Variants in NALF1 observed in about 807,000 individuals in gnomAD.
NALF1 encodes NALCN channel auxiliary factor 1, also known as family with sequence similarity 155 member A.
Under a neutral mutation model 48.4 loss-of-function variants are expected in NALF1, and 3 were observed. The ratio of observed to expected loss-of-function variants is 0.06; its 90% confidence interval spans 0.03 to 0.16. The LOEUF (loss-of-function observed/expected upper bound fraction) is 0.16, where lower values mean the gene tolerates loss of function less well. Ranked by LOEUF, NALF1 falls within the 10% of genes least tolerant of loss-of-function variation. The pLI is 1.00. For missense variants in NALF1, 526 were observed against 571.5 expected (o/e 0.92, Z 0.81); for synonymous variants, 262 against 245.7 (o/e 1.07, Z -0.62).
At chr13:107,855,531 T>C (rs1262788652) in intron 1 of NALF1, among the ~76,000 whole-genome samples, 1 of 152,178 alleles carries the variant, frequency 6.6e-6, no homozygotes, top group Non-Finnish European at 1.5e-5. Flanking sequence ...TACATTATCT[T>C]TTATGTACCA....
intron 1 of NALF1, among the ~76,000 whole-genome samples, chr13:107,842,567 A>G (rs1295135886): frequency 6.6e-6 from 1 of 151,762 alleles, no homozygotes; most frequent in African/African-American, 2.4e-5. Flanking sequence ...TGTAGTGGAC[A>G]TAAGTCCCTC....
At chr13:107,716,422 A>G (rs1267392205) in intron 1 of NALF1, among the ~76,000 whole-genome samples, 1 of 152,188 alleles carries the variant, frequency 6.6e-6, no homozygotes, top group Non-Finnish European at 1.5e-5. Context: ...AATACAAGAG[A>G]GAGGACCGCC....
chr13:107,397,679 C>T (rs1883734762), intron 1 of NALF1, among the ~76,000 whole-genome samples: 1 of 151,882 alleles, frequency 6.6e-6, no homozygotes, highest in Non-Finnish European at 1.5e-5. Flanking sequence ...GCCTTGAGTT[C>T]ATCTCTTTGC....
intron 1 of NALF1, among the ~76,000 whole-genome samples, chr13:107,525,360 C>T (rs930665694): frequency 6.6e-6 from 1 of 152,112 alleles, no homozygotes; most frequent in African/African-American, 2.4e-5. Context: ...GAAGTGGAGT[C>T]ATGCAGTTTG....
intron 1 of NALF1, among the ~76,000 whole-genome samples, chr13:107,849,890 TA>T (rs1880266364): frequency 6.6e-6 from 1 of 152,244 alleles, no homozygotes; most frequent in South Asian, 2.1e-4. Flanking sequence ...GGCACTGGTA[TA>T]TAATTCATTT....
chr13:107,422,803 G>A (rs559136103), intron 1 of NALF1, among the ~76,000 whole-genome samples: 1 of 151,966 alleles, frequency 6.6e-6, no homozygotes, highest in South Asian at 2.1e-4. Context: ...TCCTTATAAG[G>A]GAAAAGGAGA....
At chr13:107,556,499 T>C (rs1037646624) in intron 1 of NALF1, among the ~76,000 whole-genome samples, 1 of 152,032 alleles carries the variant, frequency 6.6e-6, no homozygotes, top group South Asian at 2.1e-4. Context: ...TTTATTTACT[T>C]ATTTATTTTG....
At chr13:107,799,990 C>T (rs1225116460) in intron 1 of NALF1, among the ~76,000 whole-genome samples, 1 of 150,396 alleles carries the variant, frequency 6.6e-6, no homozygotes, top group African/African-American at 2.4e-5. Context: ...AGGAAGAAAA[C>T]AAGGATGAAG....
chr13:107,757,741 T>C (rs1284401130), intron 1 of NALF1, among the ~76,000 whole-genome samples: 1 of 152,166 alleles, frequency 6.6e-6, no homozygotes, highest in Non-Finnish European at 1.5e-5. Context: ...AAGAAAACTC[T>C]TAAGAGTTTT....
chr13:107,653,958 T>A (rs137931805), intron 1 of NALF1, among the ~76,000 whole-genome samples: 1 of 152,192 alleles, frequency 6.6e-6, no homozygotes, highest in Non-Finnish European at 1.5e-5. Flanking sequence ...TATTTGATTT[T>A]CCAAGTTATT....
chr13:107,823,444 T>C (rs73587798), intron 1 of NALF1, among the ~76,000 whole-genome samples: 5,480 of 152,208 alleles, frequency 0.036, 354 homozygotes, highest in African/African-American at 0.13. Context: ...ATTTCCCAGT[T>C]TTCTTAGGTT....
At chr13:107,754,397 A>ACACACC (rs1491126747) in intron 1 of NALF1, among the ~76,000 whole-genome samples, 3 of 131,028 alleles carry the variant, frequency 2.3e-5, no homozygotes, top group East Asian at 6.4e-4. Flanking sequence ...ACACACACAC[A>ACACACC]CCATATATGG....
At position 107,742,126 on chromosome 13, in the gene NALF1, G is replaced by A. The variant is rs1198639294; in HGVS notation, c.915+123556C>T. Reference sequence around the variant, plus strand: ...GGAAGTCAGTCTCCCCTCATTCAGCGGGATCCAGTGCCTTAGCCTTTGGAA... The same window carrying A: ...GGAAGTCAGTCTCCCCTCATTCAGCAGGATCCAGTGCCTTAGCCTTTGGAA... On this transcript the variant is annotated intron_variant, in intron 1 of 2. Coordinates refer to ENST00000375915, the MANE Select transcript of NALF1 (RefSeq NM_001080396.3). Among the ~76,000 whole-genome samples the A allele has an allele frequency of 3.3e-5, 5 of 152,286 alleles. No homozygotes were observed. In the South Asian group the frequency reaches 8.3e-4, roughly 25 times the overall value.
intron 1 of NALF1, among the ~76,000 whole-genome samples, chr13:107,499,337 C>T (rs921491392): frequency 1.3e-5 from 2 of 151,982 alleles, no homozygotes. Context: ...GTTATATATA[C>T]AATAAAGTTT....
rs111309995 is a variant in NALF1 at position 107,762,393 on chromosome 13, T to C, written c.915+103289A>G. Among the ~76,000 whole-genome samples the C allele has an allele frequency of 1.6e-4, 25 of 152,158 alleles. 1 individual carries two copies. The East Asian group carries it at 1.9e-3, about 12-fold the overall frequency. ...TATACATATGTAACAAACCTGCACA[T>C]TGTGCACATATAGCCTAGAACTTAA... On this transcript the variant is annotated intron_variant, in intron 1 of 2. Transcript: ENST00000375915.
intron 2 of NALF1, among the ~76,000 whole-genome samples, chr13:107,193,701 C>T (rs1879328036): frequency 1.3e-5 from 2 of 152,108 alleles, no homozygotes; most frequent in Admixed American, 1.3e-4. Context: ...CAAGTGTGGG[C>T]ATGCAGCCCA....
intron 1 of NALF1, among the ~76,000 whole-genome samples, chr13:107,534,007 A>T (rs1029455656): frequency 6.6e-6 from 1 of 152,090 alleles, no homozygotes; most frequent in African/African-American, 2.4e-5. Flanking sequence ...AATTACCTGT[A>T]AAAGGGAGAG....
intron 1 of NALF1, among the ~76,000 whole-genome samples, chr13:107,498,580 G>A (rs1472916606): frequency 6.6e-6 from 1 of 152,126 alleles, no homozygotes; most frequent in African/African-American, 2.4e-5. Flanking sequence ...AGAGAAAATG[G>A]TGGAAAGAAG....
At chr13:107,245,066 T>C (rs1348685218) in intron 1 of NALF1, among the ~76,000 whole-genome samples, 4 of 152,170 alleles carry the variant, frequency 2.6e-5, no homozygotes, top group Admixed American at 6.5e-5. Flanking sequence ...GAGATAGCAA[T>C]TTTAGTTTTG....
Sources: allele counts gnomAD v4.1 joint callset (sites outside exome capture counted in the v4.1 genomes callset), GRCh38; gene constraint gnomAD v4.1.1; transcripts MANE v1.5; gene names NCBI Gene and HGNC (gene_info 2026-07-23, HGNC 2026-07-21).